Variants in KDM8 observed in about 807,000 individuals in gnomAD.
KDM8 encodes the protein lysine demethylase 8.
Under a neutral mutation model 46.9 loss-of-function variants are expected in KDM8, and 35 were observed. The ratio of observed to expected loss-of-function variants is 0.75; its 90% CI spans 0.57 to 0.99. The LOEUF is 0.99. KDM8 is among the 50% of genes least tolerant of loss of function. The probability of loss-of-function intolerance (pLI) is 0.00; values close to 1 mark genes in which losing one functional copy is unlikely to be tolerated. For missense variants in KDM8, 475 were observed against 537.0 expected, an observed-to-expected ratio of 0.88 and a Z score of 1.14; for synonymous variants, 232 against 227.7, an observed-to-expected ratio of 1.02 and a Z score of -0.17.
At chr16:27,216,707 A>G (rs374278599) in intron 5 of KDM8, among the ~76,000 whole-genome samples, 93 of 152,258 alleles carry the variant, frequency 6.1e-4, no homozygotes, top group African/African-American at 2.1e-3. Context: ...TCATGCCGAC[A>G]TTAAAGGACG....
chr16:27,214,542 C>T lies in KDM8; in HGVS notation c.666-334C>T, dbSNP rs574709885. The T allele has an allele frequency of 1.2e-4, 33 of 271,826 alleles. No individual in the cohort carries two copies. In the East Asian group the frequency reaches 1.7e-3, roughly 14 times the overall value. The allele number at this position is 271,826 out of a possible 1,614,324, so 16.8% of individuals were successfully genotyped here. On this transcript the variant is annotated intron_variant, in intron 3 of 7. Coordinates refer to ENST00000286096, the MANE Select transcript of KDM8 (RefSeq NM_024773.3). ...GGAGACTGCCACCTGCCACGCTGTCCGCTATTTGTTCAAAGGTTTCTCAGC... is the reference window on the plus strand; with the variant it reads ...GGAGACTGCCACCTGCCACGCTGTCTGCTATTTGTTCAAAGGTTTCTCAGC...
chr16:27,203,824 G>A (rs115669461), intron 1 of KDM8, 188 bp downstream of exon 1: 310 of 412,022 alleles, frequency 7.5e-4, no homozygotes, highest in African/African-American at 6.1e-3. Context: ...TTAGCTCGTC[G>A]CCGGCCTGCC....
rs369045027 is a variant in KDM8 at position 27,213,601 on chromosome 16, A to T, written c.515A>T (p.His172Leu). ...TTTAAACAGAAAGCAAGGGCGGACC[A>T]TGGTTTGATTCCAGATGTGAAGTTA... ...QPCTKKARAD[H>L]GLIPDVKLEK... The change falls in exon 3 of 8, where the codon CAT becomes CTT. Residue 172 changes from histidine to leucine, a missense_variant. Coordinates refer to ENST00000286096, the MANE Select transcript of KDM8 (RefSeq NM_024773.3). 12 of 1,613,972 alleles carry T rather than the reference A, an allele frequency of 7.4e-6. No homozygotes were observed. Among genetic ancestry groups the T allele is most frequent in the African/African-American group, 6.7e-5 (5 of 74,902 alleles).
At chr16:27,219,223 G>A (rs567726422) in intron 6 of KDM8, 113 bp downstream of exon 6, 1 of 1,195,564 alleles carries the variant, frequency 8.4e-7, no homozygotes, top group South Asian at 1.6e-5. Context: ...AAGAAGCACT[G>A]AAGGGGATGA....
chr16:27,211,239 C>T (rs2140967033), intron 2 of KDM8: 2 of 442,488 alleles, frequency 4.5e-6, no homozygotes, highest in Non-Finnish European at 9.0e-6. Flanking sequence ...CTGCAGCCAG[C>T]GGCAGCCCGT....
rs925537556 is a variant in KDM8, at chr16:27,217,570, C to T, written c.844-1391C>T. Among the ~76,000 whole-genome samples, 72 of 152,190 alleles carry T rather than the reference C, an allele frequency of 4.7e-4. 1 individual carries two copies. Among genetic ancestry groups the T allele is most frequent in the African/African-American group, 1.6e-3 (65 of 41,446 alleles). The stretch of plus-strand genomic sequence containing the variant: ...TTGTACTTCAGTCCTAAGCAGCAGG[C>T]GCGGCTGCGTTTCTGCACAGCTGAT... On this transcript the variant is annotated intron_variant, in intron 5 of 7. Transcript: ENST00000286096.
chr16:27,207,236 C>T (rs1173014901), intron 1 of KDM8, among the ~76,000 whole-genome samples: 5 of 152,138 alleles, frequency 3.3e-5, no homozygotes, highest in Non-Finnish European at 7.3e-5. Context: ...GGCGAAACCC[C>T]GTCTCTACTA....
At chr16:27,217,389 A>C (rs2083567482) in intron 5 of KDM8, among the ~76,000 whole-genome samples, 1 of 152,184 alleles carries the variant, frequency 6.6e-6, no homozygotes, top group South Asian at 2.1e-4. Context: ...TGATCTGGTC[A>C]GCCAATCACC....
chr16:27,218,112 C>T (rs1567266279), intron 5 of KDM8, among the ~76,000 whole-genome samples: 1 of 151,830 alleles, frequency 6.6e-6, no homozygotes, highest in Non-Finnish European at 1.5e-5. Context: ...ATAGCAAGAC[C>T]CCATCTCTAC....
At chr16:27,207,794 A>G (rs1596643447) in intron 1 of KDM8, among the ~76,000 whole-genome samples, 2 of 152,300 alleles carry the variant, frequency 1.3e-5, no homozygotes, top group African/African-American at 4.8e-5. Context: ...CATGTTGCCC[A>G]GGCTGGTCTC....
Position 27,221,139 on chromosome 16 carries a change from T to C in KDM8, c.*409T>C. 2 of 342,290 alleles carry C rather than the reference T, an allele frequency of 5.8e-6. No homozygotes were observed. Among genetic ancestry groups the C allele is most frequent in the Non-Finnish European group, 1.2e-5 (2 of 173,402 alleles). 21.2% of individuals were successfully genotyped at this position (342,290 alleles called of 1,614,324 possible). On this transcript the variant is annotated 3_prime_UTR_variant, in exon 8 of 8. Coordinates refer to ENST00000286096, the MANE Select transcript of KDM8 (RefSeq NM_024773.3). ...CACCTGCTGGGTGACTTGGCCAGGA[T>C]CCCCCACTTCGCTGTGCCCATATGG...
Position 27,213,677 on chromosome 16 carries a change from G to A in KDM8, c.591G>A (p.Glu197=). The change falls in exon 3 of 8, where the codon GAG becomes GAA. Residue 197 remains glutamate (E), a synonymous_variant. Coordinates refer to ENST00000286096, the MANE Select transcript of KDM8 (RefSeq NM_024773.3). ...LHRPSLQHFR[E]QFLVPGRPVI... is the part of the protein sequence containing the mutation. ...GTCCGTCCCTCCAGCATTTCAGGGA[G>A]CAGTTTTTGGTTCCAGGGAGGCCCG... 1 of 1,614,210 alleles carries A rather than the reference G, an allele frequency of 6.2e-7. No homozygotes were observed.
At chr16:27,217,989 G>T (rs1345187205) in intron 5 of KDM8, among the ~76,000 whole-genome samples, 4 of 152,070 alleles carry the variant, frequency 2.6e-5, no homozygotes, top group African/African-American at 9.7e-5. Flanking sequence ...TAGAGTGAGT[G>T]TGTTTTCACT....
At chr16:27,217,220 A>G (rs2083565488) in intron 5 of KDM8, among the ~76,000 whole-genome samples, 1 of 152,124 alleles carries the variant, frequency 6.6e-6, no homozygotes, top group Non-Finnish European at 1.5e-5. Context: ...ACTCCTACCA[A>G]ATTCTTGTCC....
chr16:27,213,969 T>C (rs371586197), intron 3 of KDM8: 3 of 511,160 alleles, frequency 5.9e-6, no homozygotes, highest in African/African-American at 3.9e-5. Context: ...CTTGCTCGCC[T>C]TAAGCGGTTT....
intron 1 of KDM8, among the ~76,000 whole-genome samples, chr16:27,208,654 T>C (rs1276883127): frequency 6.6e-6 from 1 of 151,506 alleles, no homozygotes; most frequent in African/African-American, 2.4e-5. Context: ...TTCTCCATGT[T>C]GCTCTATAAG....
At chr16:27,218,570 G>A (rs1439565908) in intron 5 of KDM8, among the ~76,000 whole-genome samples, 6 of 152,240 alleles carry the variant, frequency 3.9e-5, no homozygotes, top group South Asian at 2.1e-4. Context: ...GGCCGGGTGC[G>A]GTGGCTCACG....
intron 1 of KDM8, chr16:27,203,895 T>G: frequency 2.1e-6 from 1 of 482,384 alleles, no homozygotes; most frequent in Non-Finnish European, 3.7e-6. Context: ...GGCAGTGGTT[T>G]TGCGCATGCG....
chr16:27,215,103 T>C (rs976340626), intron 4 of KDM8, 95 bp downstream of exon 4: 1 of 1,445,080 alleles, frequency 6.9e-7, no homozygotes, highest in South Asian at 1.2e-5. Context: ...ATGGGAGGTT[T>C]TGGAGGAGCC....
Sources: gnomAD v4.1 joint callset for allele counts (sites outside exome capture counted in the v4.1 genomes callset) on GRCh38, gnomAD v4.1.1 for gene constraint, MANE v1.5 for transcripts, NCBI Gene and HGNC (gene_info 2026-07-23, HGNC 2026-07-21) for gene names.